Variants in GALNT13 observed in about 807,000 individuals in gnomAD.
The protein encoded by GALNT13 is polypeptide N-acetylgalactosaminyltransferase 13.
Under a neutral mutation model 64.2 loss-of-function variants are expected in GALNT13, and 28 were observed. The observed-to-expected ratio is 0.44, with a 90% CI of 0.32 to 0.60. The LOEUF is 0.60. Ranked by LOEUF, GALNT13 falls within the 20% of genes least tolerant of loss-of-function variation. GALNT13 has a pLI of 0.05. For missense variants in GALNT13, 577 were observed against 669.8 expected (o/e 0.86, Z 1.53); for synonymous variants, 214 against 224.6 (o/e 0.95, Z 0.42).
the GALNT13 span, among the ~76,000 whole-genome samples, chr2:153,438,547 A>G: frequency 6.6e-6 from 1 of 151,562 alleles, no homozygotes; most frequent in East Asian, 1.9e-4. Flanking sequence ...TTTTCTCTAA[A>G]CTTCTCTTCT....
intron 1 of GALNT13, among the ~76,000 whole-genome samples, chr2:153,878,373 A>G (rs1034232947): frequency 6.6e-6 from 1 of 152,124 alleles, no homozygotes; most frequent in Non-Finnish European, 1.5e-5. Flanking sequence ...AACCACTGTG[A>G]TATGCTGCCT....
At chr2:154,136,158 A>G (rs983016615) in intron 3 of GALNT13, among the ~76,000 whole-genome samples, 3 of 152,234 alleles carry the variant, frequency 2.0e-5, no homozygotes, top group Non-Finnish European at 2.9e-5. Flanking sequence ...AAAGATCTAC[A>G]ATGCCAATGA....
the GALNT13 span, among the ~76,000 whole-genome samples, chr2:153,483,295 TC>T: frequency 6.6e-6 from 1 of 152,002 alleles, no homozygotes; most frequent in Non-Finnish European, 1.5e-5. Flanking sequence ...ACAGCATTGT[TC>T]ACAATGGCCA....
the GALNT13 span, among the ~76,000 whole-genome samples, chr2:153,084,406 A>G: frequency 1.3e-5 from 2 of 152,026 alleles, no homozygotes; most frequent in African/African-American, 4.8e-5. Context: ...GTCATCTATG[A>G]TTTCTTTCAG....
At chr2:154,367,887 GA>G (rs1697460581) in intron 9 of GALNT13, among the ~76,000 whole-genome samples, 1 of 152,132 alleles carries the variant, frequency 6.6e-6, no homozygotes, top group South Asian at 2.1e-4. Context: ...TTTATCATGG[GA>G]AATGGGAATA....
At chr2:154,156,878 A>T (rs983560685) in intron 4 of GALNT13, among the ~76,000 whole-genome samples, 1 of 152,182 alleles carries the variant, frequency 6.6e-6, no homozygotes, top group Non-Finnish European at 1.5e-5. Context: ...CCATCTCCTC[A>T]TGCACAGAAT....
the GALNT13 span, among the ~76,000 whole-genome samples, chr2:153,667,851 G>C: frequency 6.6e-6 from 1 of 152,080 alleles, no homozygotes; most frequent in Non-Finnish European, 1.5e-5. Flanking sequence ...AAAGAAGTAA[G>C]ACTCAACTGT....
the GALNT13 span, among the ~76,000 whole-genome samples, chr2:153,096,201 A>T: frequency 3.6e-3 from 543 of 152,050 alleles, 5 homozygotes; most frequent in African/African-American, 0.012. Flanking sequence ...TTCTAGTCTT[A>T]TTCCACTGTG....
At chr2:153,248,502 A>G in the GALNT13 span, among the ~76,000 whole-genome samples, 10 of 56,036 alleles carry the variant, frequency 1.8e-4, no homozygotes, top group East Asian at 1.3e-3. Context: ...GCGTGAGATA[A>G]AATTCAACAT....
chr2:153,104,740 C>T, the GALNT13 span, among the ~76,000 whole-genome samples: 1 of 152,080 alleles, frequency 6.6e-6, no homozygotes, highest in African/African-American at 2.4e-5. Context: ...ATTCTGTAAC[C>T]TATGGAAGCT....
intron 3 of GALNT13, among the ~76,000 whole-genome samples, chr2:154,040,537 A>G (rs1304222353): frequency 2.1e-5 from 3 of 140,750 alleles, no homozygotes; most frequent in Non-Finnish European, 4.9e-5. Flanking sequence ...CACTGTCCTC[A>G]TATGTAAAGT....
chr2:153,780,530 T>C, the GALNT13 span, among the ~76,000 whole-genome samples: 3 of 152,156 alleles, frequency 2.0e-5, no homozygotes, highest in Middle Eastern at 3.4e-3. Flanking sequence ...GTAGAAATCT[T>C]TGCTTTTACC....
intron 2 of GALNT13, among the ~76,000 whole-genome samples, chr2:153,924,922 TTTGC>T (rs897937040): frequency 6.6e-6 from 1 of 152,150 alleles, no homozygotes; most frequent in Non-Finnish European, 1.5e-5. Flanking sequence ...GGCTTGTAAA[TTTGC>T]TTAAGTTCCT....
intron 3 of GALNT13, among the ~76,000 whole-genome samples, chr2:154,054,810 T>C (rs1417232117): frequency 6.6e-6 from 1 of 151,984 alleles, no homozygotes; most frequent in Admixed American, 6.5e-5. Flanking sequence ...ATAAGTTTCT[T>C]CACAGGAAGC....
the GALNT13 span, among the ~76,000 whole-genome samples, chr2:153,254,709 C>T: frequency 6.6e-6 from 1 of 152,050 alleles, no homozygotes; most frequent in Non-Finnish European, 1.5e-5. Context: ...TTTATTTCTG[C>T]CTTCATTTCG....
At chr2:153,663,196 TA>T in the GALNT13 span, among the ~76,000 whole-genome samples, 1 of 152,190 alleles carries the variant, frequency 6.6e-6, no homozygotes, top group Non-Finnish European at 1.5e-5. Context: ...TACTTAATTT[TA>T]AAAACTTCTA....
chr2:153,897,053 ACAC>A (rs942331535), intron 1 of GALNT13, among the ~76,000 whole-genome samples: 21 of 152,256 alleles, frequency 1.4e-4, no homozygotes, highest in African/African-American at 4.8e-4. Context: ...ACGTGTAGAC[ACAC>A]CACATTTTTT....
intron 12 of GALNT13, among the ~76,000 whole-genome samples, chr2:154,442,502 C>T (rs560863727): frequency 6.6e-6 from 1 of 152,022 alleles, no homozygotes; most frequent in Non-Finnish European, 1.5e-5. Flanking sequence ...GGGGTACCTA[C>T]GTGGTCTGGA....
chr2:153,300,310 T>G, the GALNT13 span, among the ~76,000 whole-genome samples: 1 of 152,160 alleles, frequency 6.6e-6, no homozygotes, highest in Non-Finnish European at 1.5e-5. Flanking sequence ...AGAGGGAGTG[T>G]TTTTAATTGA....
Sources: gnomAD v4.1 joint callset for allele counts (sites outside exome capture counted in the v4.1 genomes callset) on GRCh38, gnomAD v4.1.1 for gene constraint, MANE v1.5 for transcripts, NCBI Gene and HGNC (gene_info 2026-07-23, HGNC 2026-07-21) for gene names.